Variants in CADM2 observed in about 807,000 individuals in gnomAD.
CADM2 encodes the protein cell adhesion molecule 2, also known as immunoglobulin superfamily member 4D.
Under a neutral mutation model 49.8 loss-of-function variants are expected in CADM2, and 12 were observed. The observed-to-expected ratio is 0.24, with a 90% CI of 0.15 to 0.39. The LOEUF (loss-of-function observed/expected upper bound fraction) is 0.39, where lower values mean the gene tolerates loss of function less well. Ranked by LOEUF, CADM2 falls within the 10% of genes least tolerant of loss-of-function variation. The probability of loss-of-function intolerance (pLI) is 1.00; values close to 1 mark genes in which losing one functional copy is unlikely to be tolerated. For missense variants in CADM2, 378 were observed against 492.3 expected, an observed-to-expected ratio of 0.77 and a Z score of 2.20; for synonymous variants, 214 against 175.4, an observed-to-expected ratio of 1.22 and a Z score of -1.74.
intron 3 of CADM2, among the ~76,000 whole-genome samples, chr3:85,869,612 C>T (rs2075843423): frequency 6.6e-6 from 1 of 152,072 alleles, no homozygotes; most frequent in African/African-American, 2.4e-5. Context: ...TGATTCATTG[C>T]TGTTAAAGTT....
In CADM2 at chr3:84,972,624, A is replaced by G. The variant is rs2031535597; in HGVS notation, c.61+12956A>G. Among the ~76,000 whole-genome samples the G allele has an allele frequency of 1.3e-5, 2 of 152,264 alleles. 1 individual carries two copies. The highest frequency in any genetic ancestry group is 6.8e-3 in the Middle Eastern group (2 of 294). On this transcript the variant is annotated intron_variant, in intron 1 of 9. Coordinates refer to ENST00000383699, the MANE Select transcript of CADM2 (RefSeq NM_001167675.2). ...GAAGTGGACTGGATAAGGTTTTTCAATTTTGAGTTTGATTTCATATTTCTG... is the reference window on the plus strand; with the variant it reads ...GAAGTGGACTGGATAAGGTTTTTCAGTTTTGAGTTTGATTTCATATTTCTG...
chr3:85,897,314 C>T (rs1715366640), intron 5 of CADM2, among the ~76,000 whole-genome samples: 1 of 118,682 alleles, frequency 8.4e-6, no homozygotes, highest in Non-Finnish European at 1.6e-5. Context: ...CCAGGCCGGA[C>T]TGCGGACTGC....
intron 1 of CADM2, among the ~76,000 whole-genome samples, chr3:85,622,653 T>G (rs1218647877): frequency 3.9e-5 from 6 of 152,148 alleles, no homozygotes; most frequent in African/African-American, 1.4e-4. Flanking sequence ...GGCCTGAAAC[T>G]ATGGACTTTA....
At chr3:85,271,606 C>T (rs2106846400) in intron 1 of CADM2, among the ~76,000 whole-genome samples, 1 of 151,244 alleles carries the variant, frequency 6.6e-6, no homozygotes, top group South Asian at 2.1e-4. Flanking sequence ...ATAACCATAT[C>T]TCCTGCCTCT....
At chr3:84,971,496 C>T (rs2031430203) in intron 1 of CADM2, among the ~76,000 whole-genome samples, 1 of 152,192 alleles carries the variant, frequency 6.6e-6, no homozygotes, top group South Asian at 2.1e-4. Context: ...AACTCCATTT[C>T]TCCATATCAT....
intron 1 of CADM2, among the ~76,000 whole-genome samples, chr3:85,177,484 A>G (rs2040815691): frequency 6.6e-6 from 1 of 152,086 alleles, no homozygotes; most frequent in African/African-American, 2.4e-5. Context: ...AATGGAAATT[A>G]AAATGATCAT....
intron 1 of CADM2, among the ~76,000 whole-genome samples, chr3:85,606,954 G>A (rs2107430209): frequency 6.6e-6 from 1 of 152,162 alleles, no homozygotes; most frequent in East Asian, 1.9e-4. Flanking sequence ...ATTAGAGAAA[G>A]ATAAGAGATG....
chr3:85,692,084 C>T (rs1044478418), intron 1 of CADM2, among the ~76,000 whole-genome samples: 2 of 152,000 alleles, frequency 1.3e-5, no homozygotes, highest in African/African-American at 4.8e-5. Flanking sequence ...ATGTAACAAA[C>T]CTGCACAATG....
chr3:85,777,320 A>C (rs1490157265), intron 2 of CADM2, among the ~76,000 whole-genome samples: 1 of 151,744 alleles, frequency 6.6e-6, no homozygotes. Flanking sequence ...TCGTGGCGTG[A>C]TCTCAGCTCA....
chr3:85,721,347 G>A (rs1175873786), intron 1 of CADM2, among the ~76,000 whole-genome samples: 4 of 152,116 alleles, frequency 2.6e-5, no homozygotes, highest in African/African-American at 7.2e-5. Flanking sequence ...TTGGGGTGTC[G>A]TTTTTCTGGT....
At position 85,204,186 on chromosome 3, in the gene CADM2, A is replaced by G. The variant is rs528744171; in HGVS notation, c.61+244518A>G. 5.9e-5 allele frequency among the ~76,000 whole-genome samples: 9 copies of G among 152,298 alleles called. No individual in the cohort carries two copies. The East Asian group carries it at 1.2e-3, about 20-fold the overall frequency. On this transcript the variant is annotated intron_variant, in intron 1 of 9. Coordinates refer to ENST00000383699, the MANE Select transcript of CADM2 (RefSeq NM_001167675.2). ...AAATTTATAAAATGGTGACCTTTTA[A>G]TAAATTTTTTGACATTCACTGTAAA... is the stretch of plus-strand genomic sequence containing the variant.
chr3:85,830,844 A>G (rs1415738850), intron 3 of CADM2, among the ~76,000 whole-genome samples: 2 of 119,466 alleles, frequency 1.7e-5, no homozygotes, highest in Non-Finnish European at 3.6e-5. Flanking sequence ...TTTATTTATA[A>G]ACTTCTATTA....
intron 1 of CADM2, among the ~76,000 whole-genome samples, chr3:85,054,137 G>A (rs1482768517): frequency 1.3e-5 from 2 of 151,872 alleles, no homozygotes; most frequent in Non-Finnish European, 1.5e-5. Context: ...TAAAAACAGT[G>A]TCATAAGAGT....
intron 1 of CADM2, among the ~76,000 whole-genome samples, chr3:85,610,268 C>T (rs2063644841): frequency 1.3e-5 from 2 of 151,848 alleles, no homozygotes; most frequent in Admixed American, 1.3e-4. Flanking sequence ...CATGATGTAA[C>T]TATTTGAATT....
At chr3:85,286,436 C>A (rs2043635134) in intron 1 of CADM2, among the ~76,000 whole-genome samples, 1 of 152,092 alleles carries the variant, frequency 6.6e-6, no homozygotes, top group African/African-American at 2.4e-5. Context: ...ATTGCCAGGA[C>A]TACAATAGGG....
chr3:85,813,826 T>G (rs1424621001), intron 3 of CADM2, among the ~76,000 whole-genome samples: 1 of 152,130 alleles, frequency 6.6e-6, no homozygotes, highest in Non-Finnish European at 1.5e-5. Context: ...TTGTGTCAGG[T>G]GTGTCAAAGA....
In CADM2 at chr3:85,454,436, A is replaced by G. The variant is rs149134028; in HGVS notation, c.62-272086A>G. Among the ~76,000 whole-genome samples the G allele has an allele frequency of 3.2e-3, 485 of 152,228 alleles. 1 individual carries two copies. Among genetic ancestry groups the G allele is most frequent in the Non-Finnish European group, 5.8e-3 (397 of 68,008 alleles). ...ACAAACTCAAAGAGGATCACTGAGGAAAAAAATGGAGCTGTTGAGAGGCTA... is the reference window on the plus strand; with the variant it reads ...ACAAACTCAAAGAGGATCACTGAGGGAAAAAATGGAGCTGTTGAGAGGCTA... On this transcript the variant is annotated intron_variant, in intron 1 of 9. Coordinates refer to ENST00000383699, the MANE Select transcript of CADM2 (RefSeq NM_001167675.2).
chr3:85,458,137 A>G (rs1413803792), intron 1 of CADM2, among the ~76,000 whole-genome samples: 1 of 152,018 alleles, frequency 6.6e-6, no homozygotes, highest in Non-Finnish European at 1.5e-5. Context: ...AATGCTTTAT[A>G]CCTCTCTTGT....
intron 8 of CADM2, among the ~76,000 whole-genome samples, chr3:86,028,994 C>T (rs971901784): frequency 2.0e-5 from 3 of 151,990 alleles, no homozygotes; most frequent in African/African-American, 4.8e-5. Flanking sequence ...GATAGGGATA[C>T]AATGAATTGT....
Sources: gnomAD v4.1 joint callset for allele counts (sites outside exome capture counted in the v4.1 genomes callset) on GRCh38, gnomAD v4.1.1 for gene constraint, MANE v1.5 for transcripts, NCBI Gene and HGNC (gene_info 2026-07-23, HGNC 2026-07-21) for gene names.